Variants in DPP10 observed in about 807,000 individuals in gnomAD.
DPP10 encodes inactive dipeptidyl peptidase 10.
A neutral mutation model predicts 120.9 loss-of-function variants in DPP10; 33 were observed. The ratio of observed to expected loss-of-function variants is 0.27; its 90% CI spans 0.21 to 0.37. DPP10 has a LOEUF of 0.37. DPP10 is among the 10% of genes least tolerant of loss of function. The pLI is 1.00. For missense variants in DPP10, 816 were observed against 942.8 expected (o/e 0.87, Z 1.76); for synonymous variants, 337 against 326.1 (o/e 1.03, Z -0.36).
intron 7 of DPP10, among the ~76,000 whole-genome samples, chr2:115,706,418 G>C (rs909777708): frequency 6.6e-6 from 1 of 151,788 alleles, no homozygotes; most frequent in African/African-American, 2.4e-5. Context: ...TTAAATTGTG[G>C]AGTAAGAACC....
At chr2:114,947,807 T>C (rs889746119) in intron 1 of DPP10, among the ~76,000 whole-genome samples, 1 of 152,058 alleles carries the variant, frequency 6.6e-6, no homozygotes, top group East Asian at 1.9e-4. Flanking sequence ...TTCCTGGACA[T>C]GTACTTCTTG....
intron 12 of DPP10, among the ~76,000 whole-genome samples, chr2:115,767,838 A>C (rs991502369): frequency 2.0e-5 from 3 of 152,172 alleles, no homozygotes; most frequent in Non-Finnish European, 4.4e-5. Context: ...ATCAGAAAAG[A>C]ATCTTCAAGT....
At chr2:115,023,303 G>A (rs1293892482) in intron 1 of DPP10, among the ~76,000 whole-genome samples, 1 of 151,102 alleles carries the variant, frequency 6.6e-6, no homozygotes, top group Non-Finnish European at 1.5e-5. Context: ...ATCAAGAAAA[G>A]AAACAATCCC....
chr2:114,720,054 GTTTGT>G (rs957231882), intron 1 of DPP10, among the ~76,000 whole-genome samples: 1 of 152,062 alleles, frequency 6.6e-6, no homozygotes. Flanking sequence ...GTTTTTTGTT[GTTTGT>G]TTTGTTTTGT....
intron 1 of DPP10, among the ~76,000 whole-genome samples, chr2:114,894,051 A>G (rs1692768255): frequency 1.3e-5 from 2 of 152,086 alleles, no homozygotes; most frequent in South Asian, 2.1e-4. Flanking sequence ...ATTATTCTAC[A>G]TATTTAACAA....
At chr2:115,334,628 T>C (rs888992843) in intron 2 of DPP10, among the ~76,000 whole-genome samples, 5 of 152,002 alleles carry the variant, frequency 3.3e-5, no homozygotes, top group Non-Finnish European at 5.9e-5. Context: ...ATTGTGTTTC[T>C]AAAAGTAAAT....
chr2:115,769,299 G>T (rs1323999378), intron 13 of DPP10, among the ~76,000 whole-genome samples: 1 of 151,960 alleles, frequency 6.6e-6, no homozygotes, highest in Admixed American at 6.6e-5. Flanking sequence ...ATATGGCAAA[G>T]ATACCTAACT....
intron 1 of DPP10, among the ~76,000 whole-genome samples, chr2:114,795,939 C>T (rs1050282674): frequency 6.6e-6 from 1 of 152,134 alleles, no homozygotes; most frequent in Non-Finnish European, 1.5e-5. Context: ...AGATGTAATA[C>T]TAAATCATAA....
At chr2:114,958,577 A>G (rs1205694739) in intron 1 of DPP10, among the ~76,000 whole-genome samples, 1 of 152,220 alleles carries the variant, frequency 6.6e-6, no homozygotes, top group East Asian at 1.9e-4. Context: ...TGGATATGTT[A>G]ATTAGCTTGA....
intron 1 of DPP10, among the ~76,000 whole-genome samples, chr2:114,889,967 T>G (rs1692404816): frequency 6.6e-6 from 1 of 152,236 alleles, no homozygotes; most frequent in Non-Finnish European, 1.5e-5. Context: ...TGGAGAAGAC[T>G]AGATACAATT....
In DPP10 at chr2:115,152,271, A is replaced by G. The variant is rs752639124; in HGVS notation, c.61-156968A>G. Among the ~76,000 whole-genome samples the G allele has an allele frequency of 9.8e-5, 15 of 152,360 alleles. 1 individual carries two copies. The highest frequency in any genetic ancestry group is 2.1e-4 in the South Asian group (1 of 4,832). On this transcript the variant is annotated intron_variant, in intron 1 of 25. Coordinates refer to ENST00000410059, the MANE Select transcript of DPP10 (RefSeq NM_020868.6). ...GTCATAAGCAATATGTAAATGAATG[A>G]GAGTAGCTATGTACCAATAAAACTT...
intron 1 of DPP10, among the ~76,000 whole-genome samples, chr2:114,806,442 T>C (rs768970299): frequency 6.6e-6 from 1 of 152,218 alleles, no homozygotes; most frequent in Admixed American, 6.5e-5. Context: ...CTAAACCATT[T>C]TGATTTATTC....
Position 114,572,044 on chromosome 2 carries a change from A to G in DPP10, c.60+129206A>G, listed in dbSNP as rs866459929. Among the ~76,000 whole-genome samples, 25 of 150,642 alleles carry G rather than the reference A, an allele frequency of 1.7e-4. 1 individual carries two copies. Among genetic ancestry groups the G allele is most frequent in the African/African-American group, 4.6e-4 (19 of 41,228 alleles). On this transcript the variant is annotated intron_variant, in intron 1 of 25. Transcript: ENST00000410059. Reference sequence around the variant, plus strand: ...TATATGTAGTACATATATAATATATACAGTATACATATTGTATTATATTAA... The same window carrying G: ...TATATGTAGTACATATATAATATATGCAGTATACATATTGTATTATATTAA...
At chr2:115,395,276 A>G (rs1186920443) in intron 3 of DPP10, among the ~76,000 whole-genome samples, 1 of 152,170 alleles carries the variant, frequency 6.6e-6, no homozygotes, top group African/African-American at 2.4e-5. Context: ...ATCTCTTTTT[A>G]CGTGTATAAA....
chr2:115,391,882 G>GT (rs1285138295), intron 3 of DPP10, among the ~76,000 whole-genome samples: 9 of 152,210 alleles, frequency 5.9e-5, no homozygotes, highest in African/African-American at 2.2e-4. Flanking sequence ...CTTGCTCAGT[G>GT]TAAGTAGATC....
chr2:115,187,300 T>G (rs754578162), intron 1 of DPP10, among the ~76,000 whole-genome samples: 1 of 151,936 alleles, frequency 6.6e-6, no homozygotes, highest in African/African-American at 2.4e-5. Context: ...CCTCCCAAAG[T>G]GCTGGGATTA....
chr2:115,354,502 C>G (rs899921511), intron 3 of DPP10, among the ~76,000 whole-genome samples: 9 of 151,910 alleles, frequency 5.9e-5, no homozygotes, highest in African/African-American at 2.2e-4. Context: ...CAAAATGCAT[C>G]TATGTTGTTG....
chr2:115,501,585 A>G (rs1407947690), intron 4 of DPP10, among the ~76,000 whole-genome samples: 1 of 152,122 alleles, frequency 6.6e-6, no homozygotes, highest in Non-Finnish European at 1.5e-5. Context: ...TATGCTCCCT[A>G]AGGACATTTA....
chr2:114,803,568 A>T (rs989302476), intron 1 of DPP10, among the ~76,000 whole-genome samples: 2 of 152,196 alleles, frequency 1.3e-5, no homozygotes, highest in Admixed American at 1.3e-4. Flanking sequence ...TCAGATGGAG[A>T]TGAGGAATTT....
Sources: gnomAD v4.1 joint callset for allele counts (sites outside exome capture counted in the v4.1 genomes callset) on GRCh38, gnomAD v4.1.1 for gene constraint, MANE v1.5 for transcripts, NCBI Gene and HGNC (gene_info 2026-07-23, HGNC 2026-07-21) for gene names.